The following TAX1BP1 variants were observed in gnomAD, a reference collection of about 807,000 sequenced individuals.
TAX1BP1 encodes Tax1 binding protein 1.
Under a neutral mutation model 97.7 loss-of-function variants are expected in TAX1BP1, and 62 were observed. The ratio of observed to expected loss-of-function variants is 0.63; its 90% CI spans 0.52 to 0.78. TAX1BP1 has a LOEUF of 0.78. Ranked by LOEUF, TAX1BP1 falls within the 30% of genes least tolerant of loss-of-function variation. The probability of loss-of-function intolerance (pLI) is 0.00; values close to 1 mark genes in which losing one functional copy is unlikely to be tolerated. For synonymous variants in TAX1BP1, 340 were observed against 304.2 expected (o/e 1.12, Z -1.23); for missense variants, 867 against 916.1 (o/e 0.95, Z 0.69).
intron 2 of TAX1BP1, among the ~76,000 whole-genome samples, chr7:27,754,015 A>G (rs1396916495): frequency 3.3e-5 from 5 of 152,208 alleles, no homozygotes; most frequent in Admixed American, 3.3e-4. Flanking sequence ...TCTCCGAGAT[A>G]CTTTTCTAGT....
rs138982824 is a variant in TAX1BP1, at chr7:27,761,426, T to A, written c.265+3293T>A. 3.3e-4 allele frequency among the ~76,000 whole-genome samples: 51 copies of A among 152,286 alleles called. 1 individual carries two copies. The East Asian group carries it at 8.5e-3, about 25-fold the overall frequency. ...ATGTATGAAGACATATACCTACTGT[T>A]GCAGTATCATAAAGAACAATAACTT... On this transcript the variant is annotated intron_variant, in intron 3 of 16. Transcript: ENST00000396319.
chr7:27,748,452 A>G, intron 1 of TAX1BP1, 66 bp from the exon 2 acceptor site: 1 of 1,123,906 alleles, frequency 8.9e-7, no homozygotes, highest in Non-Finnish European at 1.2e-6. Flanking sequence ...AATATTATGT[A>G]TTTTCTGAAG....
intron 13 of TAX1BP1, among the ~76,000 whole-genome samples, chr7:27,808,575 A>G (rs966570844): frequency 6.6e-6 from 1 of 152,176 alleles, no homozygotes; most frequent in Admixed American, 6.5e-5. Context: ...CATTCCCATG[A>G]TGGCAGAGAA....
intron 12 of TAX1BP1, among the ~76,000 whole-genome samples, chr7:27,799,584 A>G (rs2128319987): frequency 6.6e-6 from 1 of 152,336 alleles, no homozygotes; most frequent in African/African-American, 2.4e-5. Flanking sequence ...CCCCTGAGAT[A>G]AGAACTATTA....
At chr7:27,791,126 A>C (rs970012612) in intron 8 of TAX1BP1, among the ~76,000 whole-genome samples, 1 of 151,956 alleles carries the variant, frequency 6.6e-6, no homozygotes, top group Non-Finnish European at 1.5e-5. Flanking sequence ...GAAGTTGGCG[A>C]TCTTTTTATA....
intron 13 of TAX1BP1, among the ~76,000 whole-genome samples, chr7:27,803,790 CG>C: frequency 6.6e-6 from 1 of 152,238 alleles, no homozygotes; most frequent in African/African-American, 2.4e-5. Context: ...TGTGATTAAA[CG>C]GAAAGTACCC....
At chr7:27,757,456 G>T (rs1160394063) in intron 2 of TAX1BP1, among the ~76,000 whole-genome samples, 1 of 152,038 alleles carries the variant, frequency 6.6e-6, no homozygotes, top group Admixed American at 6.5e-5. Flanking sequence ...GTGGATTTAG[G>T]GGGAGGCAGA....
chr7:27,783,644 T>A (rs1789350026), intron 5 of TAX1BP1, among the ~76,000 whole-genome samples: 1 of 152,232 alleles, frequency 6.6e-6, no homozygotes, highest in Admixed American at 6.5e-5. Context: ...TAGAATGCTG[T>A]ATACCCGTTA....
intron 8 of TAX1BP1, among the ~76,000 whole-genome samples, chr7:27,789,544 C>T (rs932360017): frequency 6.6e-6 from 1 of 151,720 alleles, no homozygotes; most frequent in Non-Finnish European, 1.5e-5. Context: ...CCTCTTCGTT[C>T]TTAAAAAAGG....
intron 5 of TAX1BP1, among the ~76,000 whole-genome samples, chr7:27,778,485 C>T (rs1562715514): frequency 6.6e-6 from 1 of 151,862 alleles, no homozygotes; most frequent in Non-Finnish European, 1.5e-5. Flanking sequence ...AAGATTGTAT[C>T]CAGGATTATT....
chr7:27,827,679 TA>T (rs1255347383), intron 15 of TAX1BP1, 58 bp from the exon 16 acceptor site: 5 of 1,419,324 alleles, frequency 3.5e-6, no homozygotes, highest in Non-Finnish European at 4.0e-6. Context: ...TTGATTGAAT[TA>T]AGGAATTTAT....
intron 4 of TAX1BP1, among the ~76,000 whole-genome samples, chr7:27,767,386 CAA>C (rs1012155176): frequency 1.3e-5 from 2 of 151,940 alleles, no homozygotes; most frequent in Non-Finnish European, 2.9e-5. Flanking sequence ...AGTAAAAAGA[CAA>C]GAGGTTACAG....
At chr7:27,743,076 T>C (rs1787681456) in intron 1 of TAX1BP1, among the ~76,000 whole-genome samples, 4 of 152,188 alleles carry the variant, frequency 2.6e-5, no homozygotes, top group African/African-American at 9.7e-5. Flanking sequence ...TACCCTAATA[T>C]GTGTGGGCCA....
At chr7:27,772,914 T>C (rs1296949747) in intron 5 of TAX1BP1, among the ~76,000 whole-genome samples, 1 of 152,042 alleles carries the variant, frequency 6.6e-6, no homozygotes, top group Non-Finnish European at 1.5e-5. Context: ...TTCATGTACA[T>C]CCTAGATTTA....
intron 1 of TAX1BP1, among the ~76,000 whole-genome samples, chr7:27,744,732 T>G (rs1450810918): frequency 6.6e-6 from 1 of 152,184 alleles, no homozygotes; most frequent in East Asian, 1.9e-4. Context: ...TTGAAAAAGT[T>G]ACAAGAGGAG....
intron 13 of TAX1BP1, among the ~76,000 whole-genome samples, chr7:27,813,084 T>C (rs1790619686): frequency 6.6e-6 from 1 of 152,008 alleles, no homozygotes; most frequent in Admixed American, 6.6e-5. Flanking sequence ...ACCGTCTTGT[T>C]TACTGTAGCT....
At chr7:27,747,799 G>GT (rs138442342) in intron 1 of TAX1BP1, among the ~76,000 whole-genome samples, 25,283 of 151,754 alleles carry the variant, frequency 0.17, 2,579 homozygotes, top group Admixed American at 0.23. Context: ...ATGTATATTC[G>GT]TATACACACC....
intron 1 of TAX1BP1, among the ~76,000 whole-genome samples, chr7:27,741,094 A>G (rs1787578363): frequency 6.6e-6 from 1 of 152,218 alleles, no homozygotes; most frequent in Admixed American, 6.5e-5. Flanking sequence ...TTAGACATAC[A>G]CAGTGTTAGA....
chr7:27,754,379 TTATAA>T (rs960687862), intron 2 of TAX1BP1, among the ~76,000 whole-genome samples: 35 of 148,304 alleles, frequency 2.4e-4, no homozygotes, highest in Non-Finnish European at 2.5e-4. Context: ...AAAATTACAA[TTATAA>T]TATATATAAT....
Sources: allele counts gnomAD v4.1 joint callset (sites outside exome capture counted in the v4.1 genomes callset), GRCh38; gene constraint gnomAD v4.1.1; transcripts MANE v1.5; gene names NCBI Gene and HGNC (gene_info 2026-07-23, HGNC 2026-07-21).